Variants in LRRC49 observed in about 807,000 individuals in gnomAD.
The protein encoded by LRRC49 is leucine-rich repeat-containing protein 49.
In LRRC49, 50 loss-of-function variants were observed where a neutral mutation model predicts 83.3. The observed-to-expected ratio is 0.60, with a 90% CI of 0.48 to 0.76. The LOEUF (loss-of-function observed/expected upper bound fraction) is 0.76, where lower values mean the gene tolerates loss of function less well. Ranked by LOEUF, LRRC49 falls within the 30% of genes least tolerant of loss-of-function variation. The pLI is 0.00. For synonymous variants in LRRC49, 286 were observed against 283.3 expected (o/e 1.01, Z -0.10); for missense variants, 704 against 809.1 (o/e 0.87, Z 1.58).
At chr15:70,915,152 G>C (rs1204015358) in intron 6 of LRRC49, among the ~76,000 whole-genome samples, 1 of 152,182 alleles carries the variant, frequency 6.6e-6, no homozygotes, top group Non-Finnish European at 1.5e-5. Context: ...GCTGTAACGA[G>C]TAATTGACTT....
At chr15:70,997,758 A>G (rs949222910) in intron 11 of LRRC49, among the ~76,000 whole-genome samples, 156 of 152,354 alleles carry the variant, frequency 1.0e-3, no homozygotes, top group African/African-American at 3.5e-3. Flanking sequence ...CTTGAAAAAA[A>G]GAAAATCCTT....
rs71152326 is a variant in LRRC49, at chr15:71,044,886, C to CTT, written c.1858-4501_1858-4500dup. ...AATGTTCTCAGAACTCAGAAACAAT[C>CTT]TTTTTTTTTTTTTTTTTTTTTTTGA... is the stretch of plus-strand genomic sequence containing the variant. On this transcript the variant is annotated intron_variant, in intron 15 of 15. Coordinates refer to ENST00000260382, the MANE Select transcript of LRRC49 (RefSeq NM_017691.5). 6.8e-3 allele frequency among the ~76,000 whole-genome samples: 504 copies of CTT among 74,504 alleles called. 3 individuals are homozygous for CTT. The highest frequency in any genetic ancestry group is 0.013 in the African/African-American group (241 of 19,242). 48.9% of individuals were successfully genotyped at this position (74,504 alleles called of 152,430 possible).
chr15:70,952,775 G>A (rs2141181970), intron 8 of LRRC49, among the ~76,000 whole-genome samples: 1 of 151,828 alleles, frequency 6.6e-6, no homozygotes, highest in South Asian at 2.1e-4. Flanking sequence ...TCTCTTCACA[G>A]ATCGCTAAGA....
At chr15:70,972,037 G>C (rs2037024149) in intron 9 of LRRC49, among the ~76,000 whole-genome samples, 2 of 152,036 alleles carry the variant, frequency 1.3e-5, no homozygotes, top group Non-Finnish European at 2.9e-5. Context: ...GATGCTAGCT[G>C]GTGTTTTTTG....
Position 71,012,770 on chromosome 15 carries a change from C to A in LRRC49, c.1594-34C>A. ...GTTTTATTCAGCTAAGAGTTGGTGT[C>A]ATTTTTTTACCCCTTTCTATTGTGT... On this transcript the variant is annotated intron_variant, in intron 13 of 15. Coordinates refer to ENST00000260382, the MANE Select transcript of LRRC49 (RefSeq NM_017691.5). 3 of 1,244,158 alleles carry A rather than the reference C, an allele frequency of 2.4e-6. No individual in the cohort carries two copies. The South Asian group carries it at 3.8e-5, about 16-fold the overall frequency. 77.1% of individuals were successfully genotyped at this position (1,244,158 alleles called of 1,614,324 possible).
chr15:71,047,044 C>T (rs1196982269), intron 15 of LRRC49, among the ~76,000 whole-genome samples: 1 of 152,048 alleles, frequency 6.6e-6, no homozygotes, highest in Non-Finnish European at 1.5e-5. Flanking sequence ...TTCCATTGGT[C>T]GATGTATCTG....
upstream of LRRC49, chr15:70,891,978 T>TCTTA (rs778127648): frequency 5.0e-6 from 8 of 1,613,304 alleles, no homozygotes; most frequent in African/African-American, 1.3e-5. Context: ...TCCTCTCCCC[T>TCTTA]CTTAGGTGCC....
intron 4 of LRRC49, 45 bp from the exon 5 acceptor site, chr15:70,904,507 A>G: frequency 7.9e-7 from 1 of 1,269,572 alleles, no homozygotes; most frequent in South Asian, 1.2e-5. Flanking sequence ...AGAAGAGGTA[A>G]GTGGCTGAAT....
chr15:70,881,465 C>A (rs941298671), intron 2 of LRRC49: 2 of 152,090 alleles, frequency 1.3e-5, no homozygotes, highest in African/African-American at 2.4e-5. Flanking sequence ...TCTAATCATT[C>A]AGAACTAAGA....
intron 9 of LRRC49, among the ~76,000 whole-genome samples, chr15:70,972,960 C>T (rs766108598): frequency 3.9e-5 from 6 of 151,958 alleles, no homozygotes; most frequent in Non-Finnish European, 8.8e-5. Flanking sequence ...GAGTTTGTTA[C>T]TACCCACCTT....
chr15:70,958,008 C>G (rs1303219681), intron 8 of LRRC49, among the ~76,000 whole-genome samples: 1 of 151,948 alleles, frequency 6.6e-6, no homozygotes, highest in Non-Finnish European at 1.5e-5. Context: ...AGAGTATGTA[C>G]CCTTGTAACC....
intron 10 of LRRC49, among the ~76,000 whole-genome samples, chr15:70,980,639 G>A (rs1263790607): frequency 2.0e-5 from 3 of 150,792 alleles, no homozygotes; most frequent in Admixed American, 6.6e-5. Flanking sequence ...TAAAGATTTT[G>A]TGGAACTTAG....
chr15:71,013,737 A>C (rs959356618), intron 14 of LRRC49, among the ~76,000 whole-genome samples: 3 of 152,204 alleles, frequency 2.0e-5, no homozygotes, highest in Non-Finnish European at 4.4e-5. Context: ...AGATATCTAC[A>C]AAATATTTGA....
At chr15:70,964,458 G>A (rs2036721977) in intron 9 of LRRC49, among the ~76,000 whole-genome samples, 2 of 152,086 alleles carry the variant, frequency 1.3e-5, no homozygotes, top group Admixed American at 6.6e-5. Flanking sequence ...TTTAGACTGC[G>A]AGGCTCCTAG....
rs561799835 is a variant in LRRC49 at position 70,869,179 on chromosome 15, C to T, written c.-298-3729C>T. ...TACATGAAAAGCTCAGGTCACAGAG[C>T]TTTATTTATCATTTATCAACTATAT... is the stretch of plus-strand genomic sequence containing the variant. On this transcript the variant is annotated intron_variant, in intron 1 of 16. Transcript: ENST00000544974. Among the ~76,000 whole-genome samples the T allele has an allele frequency of 2.6e-5, 4 of 152,172 alleles. No homozygotes were observed. In the South Asian group the frequency reaches 6.2e-4, roughly 24 times the overall value.
chr15:71,027,632 T>C (rs975319137), intron 14 of LRRC49, among the ~76,000 whole-genome samples: 1 of 148,744 alleles, frequency 6.7e-6, no homozygotes. Flanking sequence ...TGATTATTTG[T>C]AGTTCTCCTT....
chr15:70,996,663 G>T (rs1212624356), intron 11 of LRRC49, among the ~76,000 whole-genome samples: 1 of 152,046 alleles, frequency 6.6e-6, no homozygotes, highest in Non-Finnish European at 1.5e-5. Context: ...ATCTATAGTT[G>T]CTTTATTGGT....
chr15:70,879,691 T>A (rs556071649), intron 2 of LRRC49, among the ~76,000 whole-genome samples: 40 of 152,276 alleles, frequency 2.6e-4, no homozygotes, highest in Admixed American at 2.5e-3. Flanking sequence ...ACTTGCCCCA[T>A]CACTTTTCAC....
intron 8 of LRRC49, 46 bp from the exon 9 acceptor site, chr15:70,963,739 A>G: frequency 6.4e-7 from 1 of 1,574,676 alleles, no homozygotes; most frequent in Non-Finnish European, 8.6e-7. Flanking sequence ...TGAAAGTATT[A>G]TCTTAAGGCC....
Sources: allele counts gnomAD v4.1 joint callset (sites outside exome capture counted in the v4.1 genomes callset), GRCh38; gene constraint gnomAD v4.1.1; transcripts MANE v1.5; gene names NCBI Gene and HGNC (gene_info 2026-07-23, HGNC 2026-07-21).